The following USH2A variants were observed in gnomAD, a reference collection of about 807,000 sequenced individuals.
The protein encoded by USH2A is Usher syndrome 2A (autosomal recessive, mild).
USH2A carries 443 observed loss-of-function variants against 538.9 expected under a neutral mutation model. That is an observed-to-expected ratio of 0.82 (90% CI 0.76 to 0.89). The LOEUF is 0.89. USH2A is among the 40% of genes least tolerant of loss of function. The pLI, the probability that USH2A is intolerant of heterozygous loss-of-function variation, is 0.00. For synonymous variants in USH2A, 2,413 were observed against 2,273.5 expected (o/e 1.06, Z -1.75); for missense variants, 6,633 against 6,324.8 (o/e 1.05, Z -1.65).
At chr1:216,270,419 T>C (rs549291205) in intron 11 of USH2A, among the ~76,000 whole-genome samples, 11 of 152,240 alleles carry the variant, frequency 7.2e-5, no homozygotes, top group Admixed American at 5.2e-4. Flanking sequence ...CTTCAGAAAA[T>C]TCTTTTCTTT....
At chr1:215,919,960 GTC>G (rs149929900) in intron 38 of USH2A, among the ~76,000 whole-genome samples, 4 of 150,946 alleles carry the variant, frequency 2.6e-5, no homozygotes, top group Admixed American at 6.6e-5. Flanking sequence ...GCCTATTTTT[GTC>G]TCTCTCTCTC....
chr1:215,884,903 G>A (rs2102456968), intron 41 of USH2A, among the ~76,000 whole-genome samples: 1 of 152,266 alleles, frequency 6.6e-6, no homozygotes. Context: ...GGACCCTACT[G>A]TATAAGAGGA....
intron 40 of USH2A, among the ~76,000 whole-genome samples, chr1:215,894,781 C>G (rs1237370530): frequency 6.6e-6 from 1 of 152,166 alleles, no homozygotes; most frequent in African/African-American, 2.4e-5. Flanking sequence ...TCGCCTCATA[C>G]TCAGAGGCTG....
chr1:215,888,272 A>G (rs1665115499), intron 41 of USH2A, among the ~76,000 whole-genome samples, 154 bp downstream of exon 41: 1 of 152,230 alleles, frequency 6.6e-6, no homozygotes, highest in East Asian at 1.9e-4. Flanking sequence ...CGAATTTAAG[A>G]TAGTTTGGGC....
chr1:216,221,723 C>T (rs1335280715), intron 14 of USH2A, among the ~76,000 whole-genome samples: 2 of 152,178 alleles, frequency 1.3e-5, no homozygotes, highest in Admixed American at 1.3e-4. Context: ...AGGTTCTGAT[C>T]TGAGAACACT....
intron 41 of USH2A, among the ~76,000 whole-genome samples, chr1:215,880,344 G>A (rs868492931): frequency 2.6e-5 from 4 of 152,134 alleles, no homozygotes; most frequent in Admixed American, 1.3e-4. Flanking sequence ...CTCACCACAT[G>A]CTAGTTGGAC....
intron 3 of USH2A, among the ~76,000 whole-genome samples, chr1:216,380,892 T>C (rs1049259910): frequency 3.9e-5 from 6 of 152,180 alleles, no homozygotes; most frequent in African/African-American, 1.4e-4. Flanking sequence ...TGTTTGTATA[T>C]TTACTTATAT....
chr1:216,240,954 T>C (rs1316175788), intron 13 of USH2A, among the ~76,000 whole-genome samples: 2 of 152,164 alleles, frequency 1.3e-5, no homozygotes, highest in Non-Finnish European at 2.9e-5. Flanking sequence ...CAAAACCTGA[T>C]AGATTTCTTG....
At chr1:216,375,115 A>T (rs1207736649) in intron 3 of USH2A, among the ~76,000 whole-genome samples, 2 of 152,128 alleles carry the variant, frequency 1.3e-5, no homozygotes, top group Non-Finnish European at 2.9e-5. Flanking sequence ...TCTATAAACC[A>T]TTGACCCTTT....
intron 43 of USH2A, among the ~76,000 whole-genome samples, chr1:215,874,118 C>T (rs1171155482): frequency 1.3e-5 from 2 of 152,162 alleles, no homozygotes; most frequent in Non-Finnish European, 2.9e-5. Context: ...GAGGTCGCCG[C>T]CCTCTTGTTA....
At chr1:215,858,456 G>A (rs1664228993) in intron 44 of USH2A, among the ~76,000 whole-genome samples, 1 of 149,930 alleles carries the variant, frequency 6.7e-6, no homozygotes, top group South Asian at 2.1e-4. Flanking sequence ...TTTCATAAGT[G>A]TTTGACAGTT....
chr1:216,361,900 T>C (rs1207649752), intron 4 of USH2A, among the ~76,000 whole-genome samples: 1 of 152,194 alleles, frequency 6.6e-6, no homozygotes, highest in Non-Finnish European at 1.5e-5. Context: ...CATGATTTTA[T>C]TTGTATGATA....
chr1:216,126,390 A>AT (rs557820085), intron 21 of USH2A, among the ~76,000 whole-genome samples: 130 of 152,066 alleles, frequency 8.5e-4, no homozygotes, highest in African/African-American at 3.0e-3. Flanking sequence ...TGCCTGGCTA[A>AT]TTTTTTGTAT....
rs1185607644 is a variant in USH2A, at chr1:215,627,443, TC to T, written c.15519+1370del. 2.8e-4 allele frequency among the ~76,000 whole-genome samples: 35 copies of T among 124,706 alleles called. 2 individuals carry two copies. The highest frequency in any genetic ancestry group is 8.0e-4 in the South Asian group (3 of 3,770). 81.8% of individuals were successfully genotyped at this position (124,706 alleles called of 152,430 possible). A position where few individuals can be genotyped will look rare whatever the true frequency, so the allele number is the denominator to read the frequency against. On this transcript the variant is annotated intron_variant, in intron 71 of 71. Coordinates refer to ENST00000307340, the MANE Select transcript of USH2A (RefSeq NM_206933.4). ...TTCCTTCCTTCCTTCCTTCCTTCCT[TC>T]CTTCCTTCCTTCCTTCCTTCCTTCC...
intron 69 of USH2A, 26 bp from the exon 70 acceptor site, chr1:215,634,729 G>A (rs765961290): frequency 6.2e-7 from 1 of 1,614,220 alleles, no homozygotes; most frequent in Admixed American, 1.7e-5. Context: ...AAAGAAAGGG[G>A]AAATGTTATT....
chr1:216,219,375 A>G (rs192790536), intron 14 of USH2A, among the ~76,000 whole-genome samples: 32 of 152,194 alleles, frequency 2.1e-4, no homozygotes, highest in African/African-American at 7.0e-4. Context: ...TTTACCCCAA[A>G]GGACACAGGG....
chr1:215,730,599 A>G (rs1351218083), intron 60 of USH2A, among the ~76,000 whole-genome samples: 1 of 152,244 alleles, frequency 6.6e-6, no homozygotes, highest in Non-Finnish European at 1.5e-5. Flanking sequence ...CAAAATGTAA[A>G]GGGTTATTAA....
Position 216,347,837 on chromosome 1 carries a change from T to C in USH2A, c.784+17116A>G, listed in dbSNP as rs143935662. ...AAGTTTAGAGTCAGCTATAGGATTTTGACAGGTGCTCTTGAATGCACGTTT... is the reference window on the plus strand; with the variant it reads ...AAGTTTAGAGTCAGCTATAGGATTTCGACAGGTGCTCTTGAATGCACGTTT... On this transcript the variant is annotated intron_variant, in intron 4 of 71. Transcript: ENST00000307340. 8.5e-5 allele frequency among the ~76,000 whole-genome samples: 13 copies of C among 152,280 alleles called. No homozygotes were observed. In the East Asian group the frequency reaches 2.5e-3, roughly 29 times the overall value.
intron 36 of USH2A, among the ~76,000 whole-genome samples, chr1:215,970,175 T>C (rs1223922190): frequency 6.6e-6 from 1 of 152,222 alleles, no homozygotes; most frequent in African/African-American, 2.4e-5. Flanking sequence ...TATTTTATCC[T>C]AACAGATGAG....
Sources: allele counts gnomAD v4.1 joint callset (sites outside exome capture counted in the v4.1 genomes callset), GRCh38; gene constraint gnomAD v4.1.1; transcripts MANE v1.5; gene names NCBI Gene and HGNC (gene_info 2026-07-23, HGNC 2026-07-21).